Variants in ILRUN observed in about 807,000 individuals in gnomAD.
The protein encoded by ILRUN is inflammation and lipid regulator with UBA-like and NBR1-like domains, also known as protein ILRUN.
A neutral mutation model predicts 33.8 loss-of-function variants in ILRUN; 3 were observed. The observed-to-expected ratio is 0.09, with a 90% confidence interval of 0.04 to 0.23. The LOEUF (loss-of-function observed/expected upper bound fraction) is 0.23, where lower values mean the gene tolerates loss of function less well. ILRUN is among the 10% of genes least tolerant of loss of function. The pLI is 1.00. For missense variants in ILRUN, 210 were observed against 375.1 expected (o/e 0.56, Z 3.64); for synonymous variants, 124 against 138.9 (o/e 0.89, Z 0.75).
intron 1 of ILRUN, among the ~76,000 whole-genome samples, chr6:34,684,709 T>G (rs1384865842): frequency 6.6e-6 from 1 of 152,176 alleles, no homozygotes; most frequent in Non-Finnish European, 1.5e-5. Context: ...ATAGGACTTC[T>G]TCAGGTAGAA....
At chr6:34,635,612 CTT>C (rs778064465) in intron 3 of ILRUN, among the ~76,000 whole-genome samples, 103 of 104,538 alleles carry the variant, frequency 9.9e-4, no homozygotes, top group East Asian at 6.8e-3. Flanking sequence ...TCTTAGAAAG[CTT>C]TTTTTTTTTT....
chr6:34,636,198 T>C (rs1762364900), intron 3 of ILRUN, among the ~76,000 whole-genome samples: 1 of 152,148 alleles, frequency 6.6e-6, no homozygotes, highest in Non-Finnish European at 1.5e-5. Flanking sequence ...CAGTGAGCTA[T>C]GATCCTGACA....
chr6:34,668,225 C>T (rs1443050034), intron 1 of ILRUN, among the ~76,000 whole-genome samples: 1 of 152,162 alleles, frequency 6.6e-6, no homozygotes, highest in African/African-American at 2.4e-5. Context: ...TAAAAAGCTA[C>T]ATATAACCTT....
chr6:34,693,638 T>C (rs1344135269), intron 1 of ILRUN, among the ~76,000 whole-genome samples: 1 of 150,640 alleles, frequency 6.6e-6, no homozygotes, highest in Non-Finnish European at 1.5e-5. Context: ...AAGTTTTTTA[T>C]ATAAAAACTC....
chr6:34,651,871 C>T (rs1176878322), intron 2 of ILRUN, among the ~76,000 whole-genome samples: 2 of 146,220 alleles, frequency 1.4e-5, no homozygotes, highest in African/African-American at 5.1e-5. Context: ...TGGCTCACTA[C>T]AACCTCTGCC....
intron 1 of ILRUN, among the ~76,000 whole-genome samples, chr6:34,693,937 G>A (rs978915947): frequency 3.3e-5 from 5 of 151,866 alleles, no homozygotes; most frequent in Non-Finnish European, 7.4e-5. Context: ...TCCCACTTCA[G>A]CCTCCCAAGT....
intron 1 of ILRUN, among the ~76,000 whole-genome samples, chr6:34,675,699 G>C (rs1213142223): frequency 1.3e-5 from 2 of 151,932 alleles, no homozygotes; most frequent in African/African-American, 4.8e-5. Context: ...ACAAACTGGA[G>C]GAACCATAAG....
chr6:34,678,836 CAAAAA>C (rs767799882), intron 1 of ILRUN, among the ~76,000 whole-genome samples: 912 of 47,834 alleles, frequency 0.019, 3 homozygotes, highest in Middle Eastern at 0.059. Context: ...GACTCCGTCT[CAAAAA>C]AAAAAAAAAA....
intron 1 of ILRUN, among the ~76,000 whole-genome samples, chr6:34,684,341 G>C (rs1763470621): frequency 6.6e-6 from 1 of 152,070 alleles, no homozygotes; most frequent in Admixed American, 6.6e-5. Flanking sequence ...GCGCTTATAT[G>C]ACTTTTTAAA....
chr6:34,693,371 T>C (rs1301284006), intron 1 of ILRUN, among the ~76,000 whole-genome samples: 2 of 152,142 alleles, frequency 1.3e-5, no homozygotes, highest in African/African-American at 4.8e-5. Flanking sequence ...CATTTTTTTT[T>C]CCAGACAGAG....
chr6:34,636,515 G>A (rs529083939), intron 3 of ILRUN, among the ~76,000 whole-genome samples: 48 of 152,000 alleles, frequency 3.2e-4, no homozygotes, highest in African/African-American at 9.9e-4. Flanking sequence ...TCAAACCATC[G>A]TTACAGGAAC....
intron 3 of ILRUN, among the ~76,000 whole-genome samples, chr6:34,643,434 AAC>A (rs1297570924): frequency 6.6e-6 from 1 of 152,146 alleles, no homozygotes; most frequent in African/African-American, 2.4e-5. Context: ...GCAATTTTCT[AAC>A]AGTTTCCATG....
intron 4 of ILRUN, among the ~76,000 whole-genome samples, chr6:34,600,895 A>G (rs547407395): frequency 1.3e-5 from 2 of 152,360 alleles, no homozygotes; most frequent in African/African-American, 4.8e-5. Flanking sequence ...CAATGTTAAG[A>G]GAACACAGCA....
chr6:34,603,166 C>T (rs1761550896), intron 4 of ILRUN, among the ~76,000 whole-genome samples: 1 of 152,198 alleles, frequency 6.6e-6, no homozygotes, highest in South Asian at 2.1e-4. Flanking sequence ...CTATTGCCAA[C>T]TCAGTGATCC....
At chr6:34,640,391 C>T (rs1762446721) in intron 3 of ILRUN, among the ~76,000 whole-genome samples, 1 of 151,930 alleles carries the variant, frequency 6.6e-6, no homozygotes, top group Non-Finnish European at 1.5e-5. Context: ...GAAACGTGAA[C>T]TGAAACAATC....
At chr6:34,693,252 G>A (rs1763683350) in intron 1 of ILRUN, among the ~76,000 whole-genome samples, 1 of 152,128 alleles carries the variant, frequency 6.6e-6, no homozygotes, top group African/African-American at 2.4e-5. Context: ...CATGCCTTAT[G>A]TAGCCAAAAA....
chr6:34,609,489 C>CA (rs565087478), intron 3 of ILRUN, among the ~76,000 whole-genome samples: 5,578 of 144,434 alleles, frequency 0.039, 140 homozygotes, highest in Middle Eastern at 0.062. Context: ...GAGCCTATCT[C>CA]AAAAAAAAAA....
intron 1 of ILRUN, among the ~76,000 whole-genome samples, chr6:34,668,344 T>C (rs993484431): frequency 4.6e-5 from 7 of 152,194 alleles, no homozygotes; most frequent in South Asian, 4.1e-4. Flanking sequence ...ATTCATAATA[T>C]AGCCAGTAAG....
At chr6:34,659,663 C>A (rs1221598022) in intron 1 of ILRUN, among the ~76,000 whole-genome samples, 4 of 147,076 alleles carry the variant, frequency 2.7e-5, no homozygotes, top group African/African-American at 1.0e-4. Flanking sequence ...CACTCTATCC[C>A]CAGGCTGGAG....
Sources: gnomAD v4.1 joint callset for allele counts (sites outside exome capture counted in the v4.1 genomes callset) on GRCh38, gnomAD v4.1.1 for gene constraint, MANE v1.5 for transcripts, NCBI Gene and HGNC (gene_info 2026-07-23, HGNC 2026-07-21) for gene names.